SLC30A7: variants seen among roughly 807,000 people sequenced by gnomAD.
The protein encoded by SLC30A7 is zinc transporter 7.
SLC30A7 carries 35 observed loss-of-function variants against 46.0 expected under a neutral mutation model. That is an observed-to-expected ratio of 0.76 (90% CI 0.58 to 1.01). The LOEUF (loss-of-function observed/expected upper bound fraction) is 1.01. Among genes scored for constraint, SLC30A7 ranks in the 50% least tolerant of loss-of-function variants. The pLI is 0.00. For synonymous variants in SLC30A7, 147 were observed against 157.8 expected, an observed-to-expected ratio of 0.93 and a Z score of 0.51; for missense variants, 464 against 451.1, an observed-to-expected ratio of 1.03 and a Z score of -0.26.
At chr1:100,932,105 C>T (rs775034186) in intron 8 of SLC30A7, among the ~76,000 whole-genome samples, 5 of 151,968 alleles carry the variant, frequency 3.3e-5, no homozygotes, top group South Asian at 2.1e-4. Context: ...AGTTTTAGAA[C>T]GGTTAGTCCC....
chr1:100,962,953 G>T (rs1159888454), intron 9 of SLC30A7, among the ~76,000 whole-genome samples: 2 of 152,148 alleles, frequency 1.3e-5, no homozygotes, highest in African/African-American at 2.4e-5. Flanking sequence ...TTATTACTTG[G>T]TAGATGGTAA....
chr1:100,916,415 G>A (rs1652553530), intron 6 of SLC30A7, among the ~76,000 whole-genome samples: 1 of 152,090 alleles, frequency 6.6e-6, no homozygotes, highest in African/African-American at 2.4e-5. Context: ...TCAATCTCCT[G>A]ACATCGTGAT....
intron 9 of SLC30A7, among the ~76,000 whole-genome samples, chr1:100,963,419 C>T (rs933663903): frequency 3.3e-5 from 5 of 152,082 alleles, no homozygotes; most frequent in South Asian, 2.1e-4. Context: ...GACTGGCATT[C>T]TGGATGCCAT....
At chr1:100,922,436 AAT>A (rs1316228485) in intron 8 of SLC30A7, among the ~76,000 whole-genome samples, 4 of 152,336 alleles carry the variant, frequency 2.6e-5, no homozygotes, top group Admixed American at 1.3e-4. Context: ...GGAAATATAA[AAT>A]ATATTCACTA....
At chr1:100,949,486 G>T (rs1654840535) in intron 8 of SLC30A7, among the ~76,000 whole-genome samples, 1 of 152,186 alleles carries the variant, frequency 6.6e-6, no homozygotes, top group Non-Finnish European at 1.5e-5. Flanking sequence ...ACTTGAGGAG[G>T]CAGTCTGTCC....
chr1:100,897,271 T>A (rs1651030522), intron 2 of SLC30A7, among the ~76,000 whole-genome samples: 1 of 152,158 alleles, frequency 6.6e-6, no homozygotes. Flanking sequence ...GGTGGCACCT[T>A]TGAGGGTTTT....
chr1:100,911,593 C>T (rs1652098431), intron 4 of SLC30A7, among the ~76,000 whole-genome samples: 1 of 152,130 alleles, frequency 6.6e-6, no homozygotes, highest in Non-Finnish European at 1.5e-5. Flanking sequence ...CTCTGTTGCC[C>T]AAGCTGGAGT....
At chr1:100,966,962 A>G (rs1655905337) in intron 10 of SLC30A7, among the ~76,000 whole-genome samples, 1 of 152,238 alleles carries the variant, frequency 6.6e-6, no homozygotes, top group Admixed American at 6.5e-5. Flanking sequence ...TAGTCAGTGC[A>G]TGGTCTACAA....
At chr1:100,912,338 T>A in intron 5 of SLC30A7, 100 bp downstream of exon 5, 1 of 1,297,934 alleles carries the variant, frequency 7.7e-7, no homozygotes, top group Non-Finnish European at 1.1e-6. Context: ...ATTTCTGATG[T>A]CAACAGACTA....
chr1:100,969,056 A>G (rs1570595935), intron 10 of SLC30A7, among the ~76,000 whole-genome samples: 1 of 152,198 alleles, frequency 6.6e-6, no homozygotes, highest in East Asian at 1.9e-4. Flanking sequence ...TCTTACGTAT[A>G]ATTAGGATTT....
At chr1:100,967,800 G>A (rs1286966650) in intron 10 of SLC30A7, among the ~76,000 whole-genome samples, 2 of 152,164 alleles carry the variant, frequency 1.3e-5, no homozygotes, top group African/African-American at 4.8e-5. Context: ...TAAATGCAAT[G>A]TGTGGTACTT....
intron 10 of SLC30A7, 97 bp from the exon 11 acceptor site, chr1:100,974,713 A>T: frequency 1.2e-6 from 1 of 853,276 alleles, no homozygotes; most frequent in South Asian, 2.9e-5. Flanking sequence ...TTTTTTAAAA[A>T]AGTGAGATTT....
At chr1:100,913,942 C>G in intron 6 of SLC30A7, 136 bp downstream of exon 6, 1 of 1,265,452 alleles carries the variant, frequency 7.9e-7, no homozygotes, top group Non-Finnish European at 1.1e-6. Flanking sequence ...AAATGGTTCC[C>G]AGGGCTAGTT....
chr1:100,952,532 A>G lies in SLC30A7; in HGVS notation c.843-9296A>G, dbSNP rs114420247. Among the ~76,000 whole-genome samples, 246 of 152,268 alleles carry G rather than the reference A, an allele frequency of 1.6e-3. 1 individual carries two copies. Among genetic ancestry groups the G allele is most frequent in the African/African-American group, 5.6e-3 (233 of 41,552 alleles). On this transcript the variant is annotated intron_variant, in intron 8 of 10. Transcript: ENST00000357650. Reference sequence around the variant, plus strand: ...GGTAGTCTTCTCTTACTACCGTGACATGTTGTTTCATGTAATTGACTCTTA... The same window carrying G: ...GGTAGTCTTCTCTTACTACCGTGACGTGTTGTTTCATGTAATTGACTCTTA...
At chr1:100,972,756 G>A (rs1206180670) in intron 10 of SLC30A7, 2 of 151,698 alleles carry the variant, frequency 1.3e-5, no homozygotes, top group African/African-American at 4.9e-5. Context: ...TCATATAATT[G>A]TAATCAATCT....
intron 10 of SLC30A7, among the ~76,000 whole-genome samples, chr1:100,971,446 A>T (rs1656156258): frequency 6.6e-6 from 1 of 151,848 alleles, no homozygotes; most frequent in African/African-American, 2.4e-5. Context: ...CCAGAATCTG[A>T]CCTCCTTTGG....
At chr1:100,958,430 C>A (rs1261737055) in intron 8 of SLC30A7, among the ~76,000 whole-genome samples, 1 of 152,198 alleles carries the variant, frequency 6.6e-6, no homozygotes, top group East Asian at 1.9e-4. Flanking sequence ...CCCGCCTTGG[C>A]CTCCCAAAGT....
chr1:100,941,247 TC>T, intron 8 of SLC30A7: 1 of 378,578 alleles, frequency 2.6e-6, no homozygotes, highest in South Asian at 2.3e-5. Context: ...ATTTTAACCA[TC>T]CCACTGCCAC....
the SLC30A7 span, chr1:100,992,710 A>G: frequency 6.2e-7 from 1 of 1,613,786 alleles, no homozygotes; most frequent in African/African-American, 1.3e-5. Context: ...TTACACTCAT[A>G]TACCGTGGAG....
Sources: allele counts gnomAD v4.1 joint callset (sites outside exome capture counted in the v4.1 genomes callset), GRCh38; gene constraint gnomAD v4.1.1; transcripts MANE v1.5; gene names NCBI Gene and HGNC (gene_info 2026-07-23, HGNC 2026-07-21).